STX8: variants seen among roughly 807,000 people sequenced by gnomAD.
The protein encoded by STX8 is syntaxin 8.
A neutral mutation model predicts 37.5 loss-of-function variants in STX8; 23 were observed. The ratio of observed to expected loss-of-function variants is 0.61; its 90% confidence interval spans 0.44 to 0.87. The LOEUF (loss-of-function observed/expected upper bound fraction) is 0.87. Among genes scored for constraint, STX8 ranks in the 40% least tolerant of loss-of-function variants. STX8 has a pLI of 0.00. For synonymous variants in STX8, 115 were observed against 99.1 expected (o/e 1.16, Z -0.95); for missense variants, 313 against 284.7 (o/e 1.10, Z -0.71).
intron 6 of STX8, among the ~76,000 whole-genome samples, chr17:9,438,664 C>G (rs1360294810): frequency 1.3e-5 from 2 of 152,022 alleles, no homozygotes. Flanking sequence ...CGTGGTGGCT[C>G]ACGTCTGTAA....
At chr17:9,305,179 A>T (rs1185368282) in intron 7 of STX8, among the ~76,000 whole-genome samples, 3 of 151,690 alleles carry the variant, frequency 2.0e-5, no homozygotes. Context: ...TGCAACCTCC[A>T]CCTCCTGGGT....
rs138922665 is a variant in STX8 at position 9,321,068 on chromosome 17, A to C, written c.643+57484T>G. Among the ~76,000 whole-genome samples, 344 of 152,284 alleles carry C rather than the reference A, an allele frequency of 2.3e-3. 1 individual carries two copies. Among genetic ancestry groups the C allele is most frequent in the African/African-American group, 7.9e-3 (327 of 41,554 alleles). ...AGAAAGGTGAGATGGCATACTGTCT[A>C]TAATCAGTGATACAGGAAAAGGAAA... On this transcript the variant is annotated intron_variant, in intron 7 of 7. Coordinates refer to ENST00000306357, the MANE Select transcript of STX8 (RefSeq NM_004853.3).
chr17:9,391,894 C>T (rs1912236360), intron 6 of STX8, among the ~76,000 whole-genome samples: 1 of 152,132 alleles, frequency 6.6e-6, no homozygotes, highest in Non-Finnish European at 1.5e-5. Flanking sequence ...TAAAGTTGTT[C>T]ATGAAGTCCT....
chr17:9,390,936 C>G (rs1014073749), intron 6 of STX8, among the ~76,000 whole-genome samples: 1 of 151,832 alleles, frequency 6.6e-6, no homozygotes, highest in East Asian at 1.9e-4. Flanking sequence ...TGCTGGAGCA[C>G]CCCCTCAAAA....
intron 6 of STX8, among the ~76,000 whole-genome samples, chr17:9,393,384 C>T (rs1367756226): frequency 6.6e-6 from 1 of 152,118 alleles, no homozygotes; most frequent in Non-Finnish European, 1.5e-5. Flanking sequence ...AAAACGATAC[C>T]AGTAGGAAAC....
At chr17:9,398,851 C>A (rs962811773) in intron 6 of STX8, among the ~76,000 whole-genome samples, 2 of 152,074 alleles carry the variant, frequency 1.3e-5, no homozygotes, top group African/African-American at 4.8e-5. Context: ...GAGTTTGAGA[C>A]CAGCCTGGCC....
chr17:9,306,244 C>T lies in STX8; in HGVS notation c.644-55599G>A, dbSNP rs1908979928. Among the ~76,000 whole-genome samples, 3 of 152,044 alleles carry T rather than the reference C, an allele frequency of 2.0e-5. No individual in the cohort carries two copies. The South Asian group carries it at 6.2e-4, about 32-fold the overall frequency. ...TATGTCATCTAGGTTTGTGTCAGTA[C>T]ACTCTGTGATGCTCACACAACAAAA... is the stretch of plus-strand genomic sequence containing the variant. On this transcript the variant is annotated intron_variant, in intron 7 of 7. Transcript: ENST00000306357.
chr17:9,559,296 T>A (rs1907112562), intron 2 of STX8, among the ~76,000 whole-genome samples: 1 of 152,144 alleles, frequency 6.6e-6, no homozygotes, highest in Non-Finnish European at 1.5e-5. Flanking sequence ...CACATGTCAA[T>A]CTTACTTAGG....
At chr17:9,337,786 G>C (rs778989247) in intron 7 of STX8, among the ~76,000 whole-genome samples, 5 of 152,228 alleles carry the variant, frequency 3.3e-5, no homozygotes, top group Non-Finnish European at 5.9e-5. Flanking sequence ...GGATAGAAAA[G>C]AGGGCAGGTA....
rs1270913492 is a variant in STX8, at chr17:9,507,249, C to A, written c.324-2087G>T. On this transcript the variant is annotated intron_variant, in intron 4 of 7. Transcript: ENST00000306357. The surrounding 1 kb of genome is among the most constrained non-coding windows in gnomAD (Gnocchi z 4.0). ...ACCTCAATCAGGGCCTGAGAAACAA[C>A]CCTGCAGGCTGCCCCTGGCAGACAT... Among the ~76,000 whole-genome samples, 1 of 151,532 alleles carries A rather than the reference C, an allele frequency of 6.6e-6. No homozygotes were observed. The highest frequency in any genetic ancestry group is 1.5e-5 in the Non-Finnish European group (1 of 67,888).
In STX8 at chr17:9,256,459, GA is replaced by G. The variant is rs1374425695; in HGVS notation, c.644-5815del. The stretch of plus-strand genomic sequence containing the variant: ...TTTTAAACATATACAAAAGCAGACC[GA>G]AGGGCACGCAGAACAGTGATGAGCC... On this transcript the variant is annotated intron_variant, in intron 7 of 7. Coordinates refer to ENST00000306357, the MANE Select transcript of STX8 (RefSeq NM_004853.3). 2.0e-5 allele frequency among the ~76,000 whole-genome samples: 3 copies of G among 152,112 alleles called. No homozygotes were observed. In the East Asian group the frequency reaches 5.8e-4, roughly 29 times the overall value.
At chr17:9,425,458 T>A (rs1366887371) in intron 6 of STX8, among the ~76,000 whole-genome samples, 1 of 152,176 alleles carries the variant, frequency 6.6e-6, no homozygotes, top group East Asian at 1.9e-4. Context: ...GTCATTAAAA[T>A]AAAGAGGTAC....
At chr17:9,567,292 A>C (rs1242968454) in intron 2 of STX8, among the ~76,000 whole-genome samples, 1 of 152,216 alleles carries the variant, frequency 6.6e-6, no homozygotes, top group Non-Finnish European at 1.5e-5. Flanking sequence ...GTACCCCTGA[A>C]CTTGAAAGTT....
chr17:9,479,345 C>A (rs1204558547), intron 6 of STX8, among the ~76,000 whole-genome samples: 1 of 151,952 alleles, frequency 6.6e-6, no homozygotes, highest in African/African-American at 2.4e-5. Flanking sequence ...ATCAGCCTGG[C>A]CAACATGGCG....
chr17:9,565,978 A>G (rs988367150), intron 2 of STX8, among the ~76,000 whole-genome samples: 1 of 152,236 alleles, frequency 6.6e-6, no homozygotes, highest in African/African-American at 2.4e-5. Flanking sequence ...TCAACTAAAG[A>G]GCTTCTGCAC....
At chr17:9,473,945 G>A (rs1905990017) in intron 6 of STX8, among the ~76,000 whole-genome samples, 1 of 152,196 alleles carries the variant, frequency 6.6e-6, no homozygotes, top group African/African-American at 2.4e-5. Flanking sequence ...CCATACCAAT[G>A]GCTAGAGGGC....
At chr17:9,515,934 T>C (rs902035532) in intron 4 of STX8, among the ~76,000 whole-genome samples, 1 of 152,232 alleles carries the variant, frequency 6.6e-6, no homozygotes. Flanking sequence ...GGGGGAAGAA[T>C]GCAATAGGAA....
At chr17:9,269,252 G>C (rs1907362008) in intron 7 of STX8, among the ~76,000 whole-genome samples, 1 of 152,062 alleles carries the variant, frequency 6.6e-6, no homozygotes, top group Non-Finnish European at 1.5e-5. Context: ...GAAAGACTGG[G>C]AAATGATTGC....
intron 7 of STX8, among the ~76,000 whole-genome samples, chr17:9,298,106 A>AGCC (rs1908631268): frequency 6.6e-6 from 1 of 152,120 alleles, no homozygotes; most frequent in South Asian, 2.1e-4. Flanking sequence ...TGTCACAGTC[A>AGCC]GCCTCCTCCT....
Sources: allele counts gnomAD v4.1 joint callset (sites outside exome capture counted in the v4.1 genomes callset), GRCh38; gene constraint gnomAD v4.1.1; non-coding constraint Gnocchi (gnomAD v3.1); transcripts MANE v1.5; gene names NCBI Gene and HGNC (gene_info 2026-07-23, HGNC 2026-07-21).